BMPR1B: variants seen among roughly 807,000 people sequenced by gnomAD.
The protein encoded by BMPR1B is bone morphogenetic protein receptor type-1B.
BMPR1B carries 12 observed loss-of-function variants against 59.1 expected under a neutral mutation model. That is an observed-to-expected ratio of 0.20 (90% CI 0.13 to 0.33). BMPR1B has a LOEUF of 0.33. Among genes scored for constraint, BMPR1B ranks in the 10% least tolerant of loss-of-function variants. BMPR1B has a pLI of 1.00. For synonymous variants in BMPR1B, 237 were observed against 207.3 expected, an observed-to-expected ratio of 1.14 and a Z score of -1.23; for missense variants, 550 against 610.9, an observed-to-expected ratio of 0.90 and a Z score of 1.05.
rs561381783 is a variant in BMPR1B at position 94,765,300 on chromosome 4, T to G, written c.-183+7232T>G. 3.9e-5 allele frequency among the ~76,000 whole-genome samples: 6 copies of G among 152,328 alleles called. No individual in the cohort carries two copies. In the South Asian group the frequency reaches 1.2e-3, roughly 32 times the overall value. ...TATGTATTTTTAAATGAAAATAAGA[T>G]CATCTGTATCATTTTGTGACTTTCG... is the stretch of plus-strand genomic sequence containing the variant. On this transcript the variant is annotated intron_variant, in intron 1 of 12. Coordinates refer to ENST00000515059, the MANE Select transcript of BMPR1B (RefSeq NM_001203.3).
chr4:94,790,178 G>A (rs28551772), intron 1 of BMPR1B, among the ~76,000 whole-genome samples: 85,747 of 151,902 alleles, frequency 0.56, 24,384 homozygotes, highest in East Asian at 0.7. Context: ...GAGAGATTCA[G>A]AAGTTATACA....
At chr4:95,033,774 T>C (rs2149161162) in intron 3 of BMPR1B, among the ~76,000 whole-genome samples, 1 of 152,308 alleles carries the variant, frequency 6.6e-6, no homozygotes, top group African/African-American at 2.4e-5. Context: ...ATGTTTTGTT[T>C]ATTTTTTAAA....
chr4:95,119,629 G>C (rs1732326749), intron 6 of BMPR1B, among the ~76,000 whole-genome samples: 1 of 152,098 alleles, frequency 6.6e-6, no homozygotes, highest in Admixed American at 6.5e-5. Flanking sequence ...AAGTTCCTGA[G>C]CTCCCTTTTC....
intron 2 of BMPR1B, among the ~76,000 whole-genome samples, chr4:94,898,758 CAG>C (rs1400516789): frequency 3.3e-5 from 5 of 152,028 alleles, no homozygotes; most frequent in African/African-American, 7.2e-5. Flanking sequence ...AAATACTTCT[CAG>C]ACTCTCCAGC....
intron 2 of BMPR1B, among the ~76,000 whole-genome samples, chr4:94,967,400 T>G (rs1253446929): frequency 1.3e-5 from 2 of 152,180 alleles, no homozygotes; most frequent in Non-Finnish European, 2.9e-5. Context: ...AAAGTAACTT[T>G]CTGTAACTGT....
At chr4:94,800,476 A>G (rs2110621227) in intron 1 of BMPR1B, among the ~76,000 whole-genome samples, 1 of 145,704 alleles carries the variant, frequency 6.9e-6, no homozygotes, top group East Asian at 2.0e-4. Flanking sequence ...TTGGTCAGCA[A>G]GTGGCCTTTT....
intron 2 of BMPR1B, among the ~76,000 whole-genome samples, chr4:94,904,315 A>G (rs1194359852): frequency 6.6e-6 from 1 of 152,034 alleles, no homozygotes; most frequent in African/African-American, 2.4e-5. Context: ...TATAATAGTG[A>G]CTTTGAAGTA....
At chr4:95,121,286 A>C in intron 6 of BMPR1B, among the ~76,000 whole-genome samples, 1 of 152,366 alleles carries the variant, frequency 6.6e-6, no homozygotes, top group East Asian at 1.9e-4. Context: ...GAGACAACAC[A>C]AATGGAAAAA....
chr4:94,959,249 G>C (rs1730268249), intron 2 of BMPR1B, among the ~76,000 whole-genome samples: 1 of 152,092 alleles, frequency 6.6e-6, no homozygotes. Context: ...CATGACTTGT[G>C]GAATGAAATA....
At chr4:95,086,323 A>G (rs987183010) in intron 3 of BMPR1B, among the ~76,000 whole-genome samples, 12 of 152,214 alleles carry the variant, frequency 7.9e-5, no homozygotes, top group African/African-American at 4.8e-5. Flanking sequence ...AATTTCAGAT[A>G]TGAAAGTACC....
chr4:95,010,619 G>T (rs997634700), intron 3 of BMPR1B, among the ~76,000 whole-genome samples: 1 of 152,184 alleles, frequency 6.6e-6, no homozygotes, highest in East Asian at 1.9e-4. Context: ...AAATTGGTTA[G>T]TTCTTCCCTT....
At chr4:95,109,923 A>G (rs1367428361) in intron 4 of BMPR1B, among the ~76,000 whole-genome samples, 2 of 126,686 alleles carry the variant, frequency 1.6e-5, no homozygotes, top group Non-Finnish European at 3.1e-5. Flanking sequence ...ATGTGTTCTC[A>G]TTGTTCAATT....
At chr4:94,925,938 T>G (rs1728866756) in intron 2 of BMPR1B, among the ~76,000 whole-genome samples, 1 of 152,002 alleles carries the variant, frequency 6.6e-6, no homozygotes, top group Non-Finnish European at 1.5e-5. Flanking sequence ...AAAGATTACC[T>G]GCAAGGCACA....
In BMPR1B at chr4:94,778,675, C is replaced by G. The variant is rs10002769; in HGVS notation, c.-183+20607C>G. ...ATTCCTATTTGTACCTCATCCTAGTCCATACTTAATATTTTCAGATTTATT... is the reference window on the plus strand; with the variant it reads ...ATTCCTATTTGTACCTCATCCTAGTGCATACTTAATATTTTCAGATTTATT... On this transcript the variant is annotated intron_variant, in intron 1 of 12. Coordinates refer to ENST00000515059, the MANE Select transcript of BMPR1B (RefSeq NM_001203.3). Among the ~76,000 whole-genome samples, 1,140 of 152,230 alleles carry G rather than the reference C, an allele frequency of 7.5e-3. 14 individuals carry two copies. The highest frequency in any genetic ancestry group is 0.026 in the African/African-American group (1,093 of 41,552).
chr4:95,108,733 A>G (rs965025054), intron 4 of BMPR1B, among the ~76,000 whole-genome samples: 1 of 152,106 alleles, frequency 6.6e-6, no homozygotes, highest in African/African-American at 2.4e-5. Context: ...ATACAGTAAT[A>G]GAGCCTTTTT....
At chr4:94,834,816 T>A in intron 1 of BMPR1B, among the ~76,000 whole-genome samples, 2 of 152,180 alleles carry the variant, frequency 1.3e-5, no homozygotes, top group South Asian at 4.1e-4. Flanking sequence ...CAGTGCCTAC[T>A]TTAGGTATTT....
chr4:94,976,154 C>T (rs1038999818), intron 2 of BMPR1B, among the ~76,000 whole-genome samples: 1 of 152,202 alleles, frequency 6.6e-6, no homozygotes, highest in Admixed American at 6.5e-5. Context: ...GCCGTGTGGT[C>T]CCTTCACATG....
chr4:95,121,006 C>T (rs1052336674), intron 6 of BMPR1B, among the ~76,000 whole-genome samples: 2 of 152,106 alleles, frequency 1.3e-5, no homozygotes, highest in Admixed American at 1.3e-4. Flanking sequence ...CGGGGTTTTG[C>T]CATGTTGGCC....
Position 94,873,349 on chromosome 4 carries a change from C to T in BMPR1B, c.-182-2482C>T, listed in dbSNP as rs192691190. 9.8e-4 allele frequency among the ~76,000 whole-genome samples: 148 copies of T among 151,676 alleles called. 1 individual carries two copies. The highest frequency in any genetic ancestry group is 3.1e-3 in the African/African-American group (128 of 41,320). On this transcript the variant is annotated intron_variant, in intron 1 of 12. Transcript: ENST00000515059. ...CTTTTTGCAGATCGAATCTTGTACC[C>T]GGATTTCCCATCTCTATTTCTGCTT...
Sources: allele counts gnomAD v4.1 joint callset (sites outside exome capture counted in the v4.1 genomes callset), GRCh38; gene constraint gnomAD v4.1.1; transcripts MANE v1.5; gene names NCBI Gene and HGNC (gene_info 2026-07-23, HGNC 2026-07-21).